The following MEOX1 variants were observed in gnomAD, a reference collection of about 807,000 sequenced individuals.
MEOX1 encodes mesenchyme homeobox 1.
A neutral mutation model predicts 23.2 loss-of-function variants in MEOX1; 17 were observed. The ratio of observed to expected loss-of-function variants is 0.73; its 90% CI spans 0.50 to 1.10. The LOEUF (loss-of-function observed/expected upper bound fraction) is 1.10. Ranked by LOEUF, MEOX1 falls within the 50% of genes least tolerant of loss-of-function variation. The pLI, the probability that MEOX1 is intolerant of heterozygous loss-of-function variation, is 0.00. For missense variants in MEOX1, 333 were observed against 332.2 expected (o/e 1.00, Z -0.02); for synonymous variants, 134 against 135.1 (o/e 0.99, Z 0.06).
In MEOX1 at chr17:43,641,906, A is replaced by G. The variant is rs1199052683; in HGVS notation, c.*4T>C. 1 of 1,611,758 alleles carries G rather than the reference A, an allele frequency of 6.2e-7. No individual in the cohort carries two copies. Among genetic ancestry groups the G allele is most frequent in the Non-Finnish European group, 8.5e-7 (1 of 1,179,006 alleles). On this transcript the variant is annotated 3_prime_UTR_variant, in exon 3 of 3. Transcript: ENST00000318579. ...CCTTAGTCATTTTTCCTCCATGCAGAATCTCACTCTGAACTTGGAGAGGCT... is the reference window on the plus strand; with the variant it reads ...CCTTAGTCATTTTTCCTCCATGCAGGATCTCACTCTGAACTTGGAGAGGCT...
rs557089752 is a variant in MEOX1 at position 43,660,300 on chromosome 17, G to C, written c.469+766C>G. On this transcript the variant is annotated intron_variant, in intron 1 of 2. Coordinates refer to ENST00000318579, the MANE Select transcript of MEOX1 (RefSeq NM_004527.4). ...GGCCAATCTCATCCTCCAGCCTCTGGGACTCCAGCACGGACTCCCTTGGCT... is the reference window on the plus strand; with the variant it reads ...GGCCAATCTCATCCTCCAGCCTCTGCGACTCCAGCACGGACTCCCTTGGCT... Among the ~76,000 whole-genome samples, 4 of 152,258 alleles carry C rather than the reference G, an allele frequency of 2.6e-5. No individual in the cohort carries two copies. The South Asian group carries it at 8.3e-4, about 32-fold the overall frequency.
At position 43,661,551 on chromosome 17, in the gene MEOX1, G is replaced by T; in HGVS notation, c.-17C>A. 1 of 1,386,792 alleles carries T rather than the reference G, an allele frequency of 7.2e-7. No individual in the cohort carries two copies. The highest frequency in any genetic ancestry group is 9.5e-7 in the Non-Finnish European group (1 of 1,047,988). The allele number at this position is 1,386,792 out of a possible 1,614,324, so 85.9% of individuals were successfully genotyped here. On this transcript the variant is annotated 5_prime_UTR_variant, in exon 1 of 3. Coordinates refer to ENST00000318579, the MANE Select transcript of MEOX1 (RefSeq NM_004527.4). ...GGGATCCATCTGCTGTCCGCTGCAC[G>T]CCTCGGTCCTTTCAAAGATTTGATT... is the stretch of plus-strand genomic sequence containing the variant.
chr17:43,650,745 C>T (rs1179197122), intron 1 of MEOX1, among the ~76,000 whole-genome samples: 1 of 152,192 alleles, frequency 6.6e-6, no homozygotes, highest in African/African-American at 2.4e-5. Flanking sequence ...CCCGTAAGCT[C>T]TCCTACTTTC....
chr17:43,659,221 G>A (rs1021610239), intron 1 of MEOX1, among the ~76,000 whole-genome samples: 1 of 152,194 alleles, frequency 6.6e-6, no homozygotes, highest in African/African-American at 2.4e-5. Context: ...AGAGAGGAAG[G>A]AGCCACAGTG....
In MEOX1 at chr17:43,641,939, C is replaced by A. The variant is rs1047633765; in HGVS notation, c.736G>T (p.Asp246Tyr). Residue 246 changes from aspartate to tyrosine, a missense_variant, in exon 3 of 3, where the codon GAC (aspartate) becomes TAC (tyrosine). Physicochemically the swap from Asp to Tyr is radical, Grantham distance 160. Coordinates refer to ENST00000318579, the MANE Select transcript of MEOX1 (RefSeq NM_004527.4). Reference sequence around the variant, plus strand: ...TCTGAACTTGGAGAGGCTGTGGAGTCCCCATCCTCAGGGTCCTGCCCATTG... The same window carrying A: ...TCTGAACTTGGAGAGGCTGTGGAGTACCCATCCTCAGGGTCCTGCCCATTG... ...SPNGQDPEDGDSTASPSSE is the reference protein window; with the variant it reads ...SPNGQDPEDGYSTASPSSE 1.9e-6 allele frequency: 3 copies of A among 1,613,804 alleles called. No homozygotes were observed. Among genetic ancestry groups the A allele is most frequent in the Non-Finnish European group, 2.5e-6 (3 of 1,179,942 alleles).
At chr17:43,656,759 G>A (rs978769850) in intron 1 of MEOX1, among the ~76,000 whole-genome samples, 45 of 152,086 alleles carry the variant, frequency 3.0e-4, no homozygotes, top group African/African-American at 9.2e-4. Flanking sequence ...GGAAACCACC[G>A]CAAAATCCTT....
chr17:43,646,143 T>C (rs576279271), intron 1 of MEOX1, among the ~76,000 whole-genome samples: 1 of 152,088 alleles, frequency 6.6e-6, no homozygotes, highest in South Asian at 2.1e-4. Context: ...GGGGGCCGAG[T>C]TCCTGGCGCG....
intron 1 of MEOX1, among the ~76,000 whole-genome samples, chr17:43,651,320 G>T (rs1311792727): frequency 6.6e-6 from 1 of 151,832 alleles, no homozygotes; most frequent in Admixed American, 6.6e-5. Context: ...CTCCGTCTCA[G>T]AAAAAAAAGT....
chr17:43,645,301 C>A (rs551818691), intron 1 of MEOX1, among the ~76,000 whole-genome samples: 2 of 151,590 alleles, frequency 1.3e-5, no homozygotes, highest in Admixed American at 1.3e-4. Context: ...CTCCGCCTCC[C>A]GAGTAGCTGG....
At chr17:43,646,414 G>T (rs1972816309) in intron 1 of MEOX1, among the ~76,000 whole-genome samples, 1 of 152,188 alleles carries the variant, frequency 6.6e-6, no homozygotes. Flanking sequence ...GGGCTTAGAC[G>T]ACGGGCGCGG....
rs12936045 is a variant in MEOX1, at chr17:43,658,642, G to A, written c.469+2424C>T. 9.4e-3 allele frequency among the ~76,000 whole-genome samples: 1,429 copies of A among 152,242 alleles called. 29 individuals carry two copies. The highest frequency in any genetic ancestry group is 0.033 in the African/African-American group (1,374 of 41,532). On this transcript the variant is annotated intron_variant, in intron 1 of 2. Transcript: ENST00000318579. The stretch of plus-strand genomic sequence containing the variant: ...AGACTCAGGATTGGCAGGGTTGGGT[G>A]GGGGGCTCTCTGTGGGTTTGCCTTT...
chr17:43,649,087 C>T (rs940731062), intron 1 of MEOX1, among the ~76,000 whole-genome samples: 6 of 152,134 alleles, frequency 3.9e-5, no homozygotes, highest in Non-Finnish European at 8.8e-5. Context: ...TGAGAAGTAA[C>T]AGGAGCTGGA....
chr17:43,650,243 CAATGT>C (rs1972890685), intron 1 of MEOX1, among the ~76,000 whole-genome samples: 1 of 152,116 alleles, frequency 6.6e-6, no homozygotes, highest in African/African-American at 2.4e-5. Flanking sequence ...TAGAGATGAT[CAATGT>C]CACCTTTTCA....
At position 43,661,209 on chromosome 17, in the gene MEOX1, G is replaced by A. The variant is rs529060943; in HGVS notation, c.326C>T (p.Pro109Leu). ...SDARRRPNSGPAGGSKEMGTS... is the reference protein window; with the variant it reads ...SDARRRPNSGLAGGSKEMGTS... ...CCCCATTTCCTTGGAACCCCCTGCC[G>A]GGCCTGAGTTGGGCCTGCGCCGGGC... Residue 109 changes from proline to leucine, a missense_variant, in exon 1 of 3, where the codon CCG (proline) becomes CTG (leucine). Pro to Leu is a moderately conservative substitution (Grantham distance 98). Coordinates refer to ENST00000318579, the MANE Select transcript of MEOX1 (RefSeq NM_004527.4). The A allele has an allele frequency of 3.4e-5, 54 of 1,608,518 alleles. No individual in the cohort carries two copies. Among genetic ancestry groups the A allele is most frequent in the South Asian group, 1.7e-4 (15 of 90,078 alleles).
intron 1 of MEOX1, among the ~76,000 whole-genome samples, chr17:43,652,825 C>CTTTTTTTTTT (rs397856379): frequency 9.8e-5 from 7 of 71,072 alleles, no homozygotes; most frequent in East Asian, 6.2e-4. Context: ...TCTACTATTG[C>CTTTTTTTTTT]TTTTTTTTTT....
chr17:43,648,551 G>A (rs1390413002), intron 1 of MEOX1, among the ~76,000 whole-genome samples: 1 of 152,106 alleles, frequency 6.6e-6, no homozygotes, highest in Non-Finnish European at 1.5e-5. Context: ...AACTTTGTTA[G>A]GGAGGCTTCC....
rs774576946 is a variant in MEOX1, at chr17:43,643,547, A to G, written c.583T>C (p.Tyr195His). The change falls in exon 2 of 3, where the codon TAC becomes CAC. Residue 195 changes from tyrosine to histidine, a missense_variant. Physicochemically the swap from Tyr to His is moderately conservative, Grantham distance 83. Transcript: ENST00000318579. The part of the protein sequence containing the change: ...ELEAEFAHHN[Y>H]LTRLRRYEIA... ...TCATATCTGCGGAGCCGAGTCAGGT[A>G]GTTATGATGGGCAAACTCTGCCTCC... is the stretch of plus-strand genomic sequence containing the variant. The G allele has an allele frequency of 3.1e-6, 5 of 1,611,202 alleles. No homozygotes were observed. The highest frequency in any genetic ancestry group is 4.2e-6 in the Non-Finnish European group (5 of 1,178,976).
chr17:43,657,596 C>A (rs772505272), intron 1 of MEOX1, among the ~76,000 whole-genome samples: 9 of 152,140 alleles, frequency 5.9e-5, no homozygotes, highest in Non-Finnish European at 1.0e-4. Context: ...GCGCAGAGAA[C>A]ATTCCTCTTA....
Position 43,661,577 on chromosome 17 carries a change from C to T in MEOX1, c.-43G>A. 4 of 1,096,728 alleles carry T rather than the reference C, an allele frequency of 3.6e-6. No individual in the cohort carries two copies. The highest frequency in any genetic ancestry group is 3.3e-5 in the South Asian group (1 of 30,198). The allele number at this position is 1,096,728 out of a possible 1,614,324, so 67.9% of individuals were successfully genotyped here. A position where few individuals can be genotyped will look rare whatever the true frequency, so the allele number is the denominator to read the frequency against. On this transcript the variant is annotated 5_prime_UTR_variant, in exon 1 of 3. Transcript: ENST00000318579. ...CCTCGGTCCTTTCAAAGATTTGATT[C>T]TTTATACTTTTTATGTTCAAATTTT...
Sources: allele counts gnomAD v4.1 joint callset (sites outside exome capture counted in the v4.1 genomes callset), GRCh38; gene constraint gnomAD v4.1.1; transcripts MANE v1.5; gene names NCBI Gene and HGNC (gene_info 2026-07-23, HGNC 2026-07-21).